Variants in SLC24A3 observed in about 807,000 individuals in gnomAD.
SLC24A3 encodes sodium/potassium/calcium exchanger 3.
A neutral mutation model predicts 75.8 loss-of-function variants in SLC24A3; 28 were observed. That is an observed-to-expected ratio of 0.37 (90% CI 0.27 to 0.51). The LOEUF (loss-of-function observed/expected upper bound fraction) is 0.51. SLC24A3 is among the 20% of genes least tolerant of loss of function. The probability of loss-of-function intolerance (pLI) is 0.94; values close to 1 mark genes in which losing one functional copy is unlikely to be tolerated. For missense variants in SLC24A3, 663 were observed against 847.8 expected (o/e 0.78, Z 2.71); for synonymous variants, 372 against 334.1 (o/e 1.11, Z -1.24).
chr20:19,668,732 T>C (rs1184197823), intron 8 of SLC24A3, among the ~76,000 whole-genome samples: 1 of 152,090 alleles, frequency 6.6e-6, no homozygotes, highest in Non-Finnish European at 1.5e-5. Context: ...TTAGTCAGGA[T>C]TGATTTTAGT....
At chr20:19,584,205 A>G (rs967557936) in intron 4 of SLC24A3, among the ~76,000 whole-genome samples, 17 of 151,894 alleles carry the variant, frequency 1.1e-4, no homozygotes, top group African/African-American at 4.1e-4. Flanking sequence ...TTTAACAAAC[A>G]GAGTAACCTG....
At chr20:19,664,563 G>GTGTT (rs140297365) in intron 7 of SLC24A3, among the ~76,000 whole-genome samples, 1 of 152,330 alleles carries the variant, frequency 6.6e-6, no homozygotes, top group East Asian at 1.9e-4. Context: ...GTGCCCTGAG[G>GTGTT]TGTTCTCTAC....
At chr20:19,479,099 T>C (rs1988008434) in intron 2 of SLC24A3, among the ~76,000 whole-genome samples, 1 of 152,238 alleles carries the variant, frequency 6.6e-6, no homozygotes, top group African/African-American at 2.4e-5. Flanking sequence ...GCCCATGCCA[T>C]GCTCAGTGAC....
chr20:19,530,252 G>C (rs1972482638), intron 3 of SLC24A3, among the ~76,000 whole-genome samples: 1 of 152,152 alleles, frequency 6.6e-6, no homozygotes, highest in Non-Finnish European at 1.5e-5. Context: ...GTTTTCTATT[G>C]TGATCCTTCT....
At chr20:19,515,416 AAG>A in intron 2 of SLC24A3, 70 bp from the exon 3 acceptor site, 9 of 1,444,492 alleles carry the variant, frequency 6.2e-6, no homozygotes, top group Non-Finnish European at 8.7e-6. Flanking sequence ...TGTTAAAACC[AAG>A]ACTCCCAGAC....
chr20:19,456,729 C>T lies in SLC24A3; in HGVS notation c.272-58759C>T, dbSNP rs117386796. Among the ~76,000 whole-genome samples, 11 of 152,312 alleles carry T rather than the reference C, an allele frequency of 7.2e-5. No individual in the cohort carries two copies. In the East Asian group the frequency reaches 2.1e-3, roughly 29 times the overall value. On this transcript the variant is annotated intron_variant, in intron 2 of 16. Coordinates refer to ENST00000328041, the MANE Select transcript of SLC24A3 (RefSeq NM_020689.4). ...GACATCCACTGTCAACTCATGAATC[C>T]CAAACCCTAGTCATTGGGCAAGACA...
At position 19,314,465 on chromosome 20, in the gene SLC24A3, C is replaced by G. The variant is rs528009043; in HGVS notation, c.271+33378C>G. ...GAGTAGCTGGGGCTACAGGCATGCA[C>G]CACCATACCTGGCTAATTTTTGTAT... On this transcript the variant is annotated intron_variant, in intron 2 of 16. Transcript: ENST00000328041. Among the ~76,000 whole-genome samples, 8 of 152,092 alleles carry G rather than the reference C, an allele frequency of 5.3e-5. No individual in the cohort carries two copies. In the East Asian group the frequency reaches 1.6e-3, roughly 29 times the overall value.
At chr20:19,678,747 G>C (rs1028516136) in intron 9 of SLC24A3, among the ~76,000 whole-genome samples, 1 of 149,958 alleles carries the variant, frequency 6.7e-6, no homozygotes, top group Non-Finnish European at 1.5e-5. Context: ...TTTCTCAGAC[G>C]GGGCGGCTGC....
intron 2 of SLC24A3, among the ~76,000 whole-genome samples, chr20:19,303,465 T>C (rs1305170630): frequency 6.6e-6 from 1 of 152,240 alleles, no homozygotes; most frequent in Non-Finnish European, 1.5e-5. Flanking sequence ...AGTGCTGCAA[T>C]GAACATATGC....
chr20:19,438,160 G>C (rs1987238872), intron 2 of SLC24A3, among the ~76,000 whole-genome samples: 1 of 152,132 alleles, frequency 6.6e-6, no homozygotes, highest in Non-Finnish European at 1.5e-5. Flanking sequence ...AAGTTTTGTG[G>C]GTCCTTGGTG....
intron 6 of SLC24A3, among the ~76,000 whole-genome samples, chr20:19,599,120 A>G (rs564809753): frequency 6.6e-6 from 1 of 152,312 alleles, no homozygotes; most frequent in South Asian, 2.1e-4. Context: ...AATAGAGCCC[A>G]GAGAGGGAGG....
chr20:19,271,052 C>G (rs537531125), intron 1 of SLC24A3, among the ~76,000 whole-genome samples: 1 of 152,256 alleles, frequency 6.6e-6, no homozygotes, highest in East Asian at 1.9e-4. Flanking sequence ...AAGACCATCA[C>G]AAGAAAGGCA....
At chr20:19,297,569 A>G (rs181837289) in intron 2 of SLC24A3, among the ~76,000 whole-genome samples, 22 of 152,332 alleles carry the variant, frequency 1.4e-4, no homozygotes, top group Admixed American at 1.0e-3. Flanking sequence ...AGATTCATCC[A>G]TGTATTTGTG....
At position 19,406,731 on chromosome 20, in the gene SLC24A3, G is replaced by A. The variant is rs538687187; in HGVS notation, c.272-108757G>A. ...CTGGGGGTGCAGTAGACATCACAGC[G>A]TGCTCTATGCCCTCGGTGGCTGGTT... is the stretch of plus-strand genomic sequence containing the variant. On this transcript the variant is annotated intron_variant, in intron 2 of 16. Coordinates refer to ENST00000328041, the MANE Select transcript of SLC24A3 (RefSeq NM_020689.4). Among the ~76,000 whole-genome samples, 29 of 152,304 alleles carry A rather than the reference G, an allele frequency of 1.9e-4. No homozygotes were observed. The South Asian group carries it at 5.0e-3, about 26-fold the overall frequency.
chr20:19,520,964 A>G (rs902660197), intron 3 of SLC24A3, among the ~76,000 whole-genome samples: 1 of 152,162 alleles, frequency 6.6e-6, no homozygotes, highest in Non-Finnish European at 1.5e-5. Context: ...TTTGATATAG[A>G]AGTGATGAAA....
chr20:19,609,104 G>C (rs1342350495), intron 6 of SLC24A3, among the ~76,000 whole-genome samples: 1 of 152,146 alleles, frequency 6.6e-6, no homozygotes, highest in African/African-American at 2.4e-5. Context: ...CAAAGAAAAT[G>C]ATACTAATAT....
At chr20:19,617,118 CA>C (rs566253826) in intron 6 of SLC24A3, among the ~76,000 whole-genome samples, 279 of 152,306 alleles carry the variant, frequency 1.8e-3, no homozygotes, top group Non-Finnish European at 3.2e-3. Context: ...GCCTAGAAAG[CA>C]AACAATCTTA....
At chr20:19,569,141 G>C (rs1568658758) in intron 3 of SLC24A3, among the ~76,000 whole-genome samples, 1 of 152,160 alleles carries the variant, frequency 6.6e-6, no homozygotes, top group Admixed American at 6.5e-5. Context: ...CCCTTCCCTG[G>C]CCAGCCCCCA....
intron 2 of SLC24A3, among the ~76,000 whole-genome samples, chr20:19,481,992 G>A (rs6046134): frequency 0.24 from 36,974 of 151,952 alleles, 4,985 homozygotes; most frequent in East Asian, 0.5. Context: ...TTCCCACCCT[G>A]TGCACACATC....
Sources: allele counts gnomAD v4.1 joint callset (sites outside exome capture counted in the v4.1 genomes callset), GRCh38; gene constraint gnomAD v4.1.1; transcripts MANE v1.5; gene names NCBI Gene and HGNC (gene_info 2026-07-23, HGNC 2026-07-21).